CRIM1: variants seen among roughly 807,000 people sequenced by gnomAD.
CRIM1 encodes the protein cysteine rich transmembrane BMP regulator 1, also known as cysteine-rich motor neuron 1 protein.
CRIM1 carries 32 observed loss-of-function variants against 116.4 expected under a neutral mutation model. The observed-to-expected ratio is 0.27, with a 90% confidence interval of 0.21 to 0.37. The LOEUF (loss-of-function observed/expected upper bound fraction) is 0.37. CRIM1 is among the 10% of genes least tolerant of loss of function. The pLI, the probability that CRIM1 is intolerant of heterozygous loss-of-function variation, is 1.00. For missense variants in CRIM1, 1,331 were observed against 1,354.8 expected (o/e 0.98, Z 0.28); for synonymous variants, 590 against 509.2 (o/e 1.16, Z -2.13).
chr2:36,521,944 C>G, intron 12 of CRIM1, 148 bp from the exon 13 acceptor site: 1 of 647,278 alleles, frequency 1.5e-6, no homozygotes, highest in Non-Finnish European at 2.8e-6. Flanking sequence ...AGACCCTTCC[C>G]GAATCATACT....
At chr2:36,484,786 G>C (rs1194257806) in intron 7 of CRIM1, among the ~76,000 whole-genome samples, 6 of 152,162 alleles carry the variant, frequency 3.9e-5, no homozygotes, top group Non-Finnish European at 7.3e-5. Context: ...CACTTTTCAA[G>C]AACTAGGAAC....
chr2:36,531,268 G>A (rs1350100758), intron 13 of CRIM1, among the ~76,000 whole-genome samples: 1 of 152,234 alleles, frequency 6.6e-6, no homozygotes, highest in Non-Finnish European at 1.5e-5. Context: ...AAGTATCTAT[G>A]TAAGAAGTTG....
chr2:36,420,822 C>T lies in CRIM1; in HGVS notation c.506-20436C>T, dbSNP rs371942522. Among the ~76,000 whole-genome samples, 7 of 152,232 alleles carry T rather than the reference C, an allele frequency of 4.6e-5. No homozygotes were observed. The South Asian group carries it at 1.0e-3, about 23-fold the overall frequency. On this transcript the variant is annotated intron_variant, in intron 2 of 16. Transcript: ENST00000280527. Reference sequence around the variant, plus strand: ...ACAGATGGGCAGTTGGGGAATACGTCGTGGGGTTGGTTGAGTCCAGGTGGC... The same window carrying T: ...ACAGATGGGCAGTTGGGGAATACGTTGTGGGGTTGGTTGAGTCCAGGTGGC...
chr2:36,536,328 G>A (rs565750026), intron 13 of CRIM1, among the ~76,000 whole-genome samples: 1 of 148,870 alleles, frequency 6.7e-6, no homozygotes, highest in Non-Finnish European at 1.5e-5. Context: ...CCCTGGGGAC[G>A]ACTGCCTTCC....
intron 8 of CRIM1, among the ~76,000 whole-genome samples, chr2:36,502,258 G>C (rs555982774): frequency 6.6e-6 from 1 of 152,278 alleles, no homozygotes; most frequent in African/African-American, 2.4e-5. Context: ...TGAAGGAAGA[G>C]TCAAAATATG....
chr2:36,373,501 C>T (rs1670081856), intron 1 of CRIM1, among the ~76,000 whole-genome samples: 1 of 152,178 alleles, frequency 6.6e-6, no homozygotes, highest in Admixed American at 6.5e-5. Context: ...CTTTGACTGG[C>T]CTATCGTTCC....
At chr2:36,547,309 TATAGTATGAATCAAATAC>T in intron 16 of CRIM1, 138 bp downstream of exon 16, 1 of 670,896 alleles carries the variant, frequency 1.5e-6, no homozygotes, top group South Asian at 1.8e-5. Flanking sequence ...CATACCAGGC[TATAGTATGAATCAAATAC>T]ATAGTACTTG....
chr2:36,450,052 T>A (rs549977084), intron 4 of CRIM1, among the ~76,000 whole-genome samples: 1 of 152,276 alleles, frequency 6.6e-6, no homozygotes, highest in African/African-American at 2.4e-5. Flanking sequence ...TTTTTTTTTC[T>A]TTACATCTAT....
At chr2:36,438,680 G>T (rs572179945) in intron 2 of CRIM1, among the ~76,000 whole-genome samples, 15 of 152,304 alleles carry the variant, frequency 9.8e-5, no homozygotes, top group African/African-American at 3.6e-4. Context: ...AGGGAGCAGG[G>T]ATGTAGCTAA....
intron 13 of CRIM1, among the ~76,000 whole-genome samples, chr2:36,534,230 AG>A (rs1322021229): frequency 3.5e-4 from 34 of 96,384 alleles, no homozygotes; most frequent in African/African-American, 1.4e-3. Context: ...GGAAGGAAGG[AG>A]GGTGGGGAAG....
At chr2:36,388,236 C>G (rs1671317334) in intron 1 of CRIM1, among the ~76,000 whole-genome samples, 1 of 152,140 alleles carries the variant, frequency 6.6e-6, no homozygotes, top group Non-Finnish European at 1.5e-5. Context: ...GAGACCTCAG[C>G]TAGTAAATCC....
At position 36,356,674 on chromosome 2, in the gene CRIM1, C is replaced by T. The variant is rs778218633; in HGVS notation, c.331+51C>T. 1.3e-6 allele frequency: 2 copies of T among 1,538,976 alleles called. No individual in the cohort carries two copies. The highest frequency in any genetic ancestry group is 1.2e-5 in the South Asian group (1 of 83,186). On this transcript the variant is annotated intron_variant, in intron 1 of 16. Transcript: ENST00000280527. This position sits in a 1 kb window ranked among gnomAD's most constrained non-coding sequence, Gnocchi z 4.3. The stretch of plus-strand genomic sequence containing the variant: ...TCCCACCTGGCCTGCGCCGCCCCCT[C>T]GGCGCTGGTTGTGCCGAACAAAGTT...
intron 2 of CRIM1, among the ~76,000 whole-genome samples, chr2:36,399,507 A>G (rs1035463152): frequency 1.3e-5 from 2 of 152,232 alleles, no homozygotes; most frequent in Non-Finnish European, 2.9e-5. Flanking sequence ...TTACACAAAG[A>G]TGATTCTAGG....
intron 14 of CRIM1, 68 bp from the exon 15 acceptor site, chr2:36,544,308 T>C (rs1667159678): frequency 4.7e-6 from 6 of 1,286,466 alleles, no homozygotes; most frequent in Non-Finnish European, 6.0e-6. Context: ...ACCATTTGGA[T>C]TGAGAATACA....
At chr2:36,505,274 T>C (rs1572887177) in intron 8 of CRIM1, among the ~76,000 whole-genome samples, 2 of 152,320 alleles carry the variant, frequency 1.3e-5, no homozygotes, top group Non-Finnish European at 2.9e-5. Context: ...CTTAACATCC[T>C]CTGTAGATTC....
rs1207059407 is a variant in CRIM1 at position 36,462,867 on chromosome 2, A to G, written c.870-1667A>G. ...GTGCTTACCACTGCAATGGCTAGGGATATAAGCGTGACAAAGTATGGGATG... is the reference window on the plus strand; with the variant it reads ...GTGCTTACCACTGCAATGGCTAGGGGTATAAGCGTGACAAAGTATGGGATG... On this transcript the variant is annotated intron_variant, in intron 4 of 16. Coordinates refer to ENST00000280527, the MANE Select transcript of CRIM1 (RefSeq NM_016441.3). Among the ~76,000 whole-genome samples the G allele has an allele frequency of 2.0e-5, 3 of 152,206 alleles. No homozygotes were observed. In the East Asian group the frequency reaches 5.8e-4, roughly 29 times the overall value.
At chr2:36,367,946 G>A (rs1314362891) in intron 1 of CRIM1, among the ~76,000 whole-genome samples, 5 of 152,168 alleles carry the variant, frequency 3.3e-5, no homozygotes, top group African/African-American at 1.2e-4. Flanking sequence ...GTAGGTAGGT[G>A]ACAGAGACTG....
At chr2:36,402,530 A>G (rs1360919198) in intron 2 of CRIM1, among the ~76,000 whole-genome samples, 2 of 152,024 alleles carry the variant, frequency 1.3e-5, no homozygotes, top group African/African-American at 2.4e-5. Flanking sequence ...TACACAGGAA[A>G]GCCATTAAAG....
chr2:36,487,880 G>A (rs1379633253), intron 7 of CRIM1, among the ~76,000 whole-genome samples: 4 of 152,080 alleles, frequency 2.6e-5, no homozygotes, highest in Non-Finnish European at 5.9e-5. Flanking sequence ...GTCATATACT[G>A]TATTACAACG....
Sources: gnomAD v4.1 joint callset for allele counts (sites outside exome capture counted in the v4.1 genomes callset) on GRCh38, gnomAD v4.1.1 for gene constraint, Gnocchi (gnomAD v3.1) non-coding constraint, MANE v1.5 for transcripts, NCBI Gene and HGNC (gene_info 2026-07-23, HGNC 2026-07-21) for gene names.